The following CAMTA1 variants were observed in gnomAD, a reference collection of about 807,000 sequenced individuals.
CAMTA1 encodes calmodulin binding transcription activator 1.
A neutral mutation model predicts 170.9 loss-of-function variants in CAMTA1; 27 were observed. The observed-to-expected ratio is 0.16, with a 90% CI of 0.12 to 0.22. The LOEUF is 0.22. Among genes scored for constraint, CAMTA1 ranks in the 10% least tolerant of loss-of-function variants. The pLI is 1.00. For missense variants in CAMTA1, 1,619 were observed against 2,217.2 expected (o/e 0.73, Z 5.42); for synonymous variants, 833 against 891.5 (o/e 0.93, Z 1.17).
chr1:7,540,349 C>T (rs2094595489), intron 6 of CAMTA1, among the ~76,000 whole-genome samples: 1 of 152,104 alleles, frequency 6.6e-6, no homozygotes, highest in African/African-American at 2.4e-5. Context: ...AGGGTGAGCT[C>T]CTTTGGGGAC....
In CAMTA1 at chr1:7,455,920, T is replaced by G. The variant is rs1016016546; in HGVS notation, c.439-11910T>G. Among the ~76,000 whole-genome samples the G allele has an allele frequency of 6.6e-6, 1 of 152,194 alleles. No individual in the cohort carries two copies. The highest frequency in any genetic ancestry group is 1.5e-5 in the Non-Finnish European group (1 of 68,040). ...GAGAAAGGCCGGCCACCTGGGGCTG[T>G]GTAGCCGAAGCTCCCAGCGCCAGAG... On this transcript the variant is annotated intron_variant, in intron 5 of 22. Transcript: ENST00000303635. The surrounding 1 kb of genome is among the most constrained non-coding windows in gnomAD (Gnocchi z 5.0).
intron 4 of CAMTA1, among the ~76,000 whole-genome samples, chr1:7,186,903 G>C (rs1422896589): frequency 1.3e-5 from 2 of 152,094 alleles, no homozygotes; most frequent in Non-Finnish European, 2.9e-5. Context: ...CTTCCCGGCG[G>C]GGGCGTGAAA....
chr1:7,428,431 G>A (rs2091979048), intron 5 of CAMTA1, among the ~76,000 whole-genome samples: 1 of 144,232 alleles, frequency 6.9e-6, no homozygotes, highest in African/African-American at 2.9e-5. Context: ...TTTTACCGAG[G>A]GCCGATCACC....
intron 22 of CAMTA1, among the ~76,000 whole-genome samples, chr1:7,761,597 T>A (rs1356816802): frequency 1.3e-5 from 2 of 152,202 alleles, no homozygotes; most frequent in Non-Finnish European, 2.9e-5. Context: ...TCTATAGATA[T>A]GGTGACCACA....
intron 3 of CAMTA1, among the ~76,000 whole-genome samples, chr1:6,906,701 T>C (rs1678571640): frequency 6.6e-6 from 1 of 152,226 alleles, no homozygotes; most frequent in South Asian, 2.1e-4. Flanking sequence ...TTCCCCACTC[T>C]GGCTGTTGTT....
chr1:7,362,506 A>G (rs1274428440), intron 5 of CAMTA1, among the ~76,000 whole-genome samples: 1 of 151,930 alleles, frequency 6.6e-6, no homozygotes, highest in Non-Finnish European at 1.5e-5. Context: ...GAGTTGGTAG[A>G]CTTGGGTAGA....
chr1:7,593,708 C>T (rs2095371970), intron 6 of CAMTA1, among the ~76,000 whole-genome samples: 1 of 149,258 alleles, frequency 6.7e-6, no homozygotes, highest in Non-Finnish European at 1.5e-5. Context: ...CCAGGCTAGT[C>T]TCGAACTCCT....
chr1:7,391,104 T>C (rs1161479413), intron 5 of CAMTA1, among the ~76,000 whole-genome samples: 1 of 152,146 alleles, frequency 6.6e-6, no homozygotes, highest in East Asian at 1.9e-4. Flanking sequence ...TTCAAGTGAT[T>C]CTCCTGCCTC....
At chr1:7,606,300 C>T (rs1046319116) in intron 6 of CAMTA1, among the ~76,000 whole-genome samples, 9 of 152,132 alleles carry the variant, frequency 5.9e-5, no homozygotes, top group African/African-American at 2.2e-4. Context: ...GGGCCTGAGA[C>T]CCAGCAGCTG....
intron 7 of CAMTA1, among the ~76,000 whole-genome samples, chr1:7,647,101 T>G (rs760748001): frequency 8.1e-4 from 124 of 152,198 alleles, no homozygotes; most frequent in Middle Eastern, 3.4e-3. Flanking sequence ...CAGCACCTGC[T>G]CTCCAGGGAC....
Position 7,091,328 on chromosome 1 carries a change from T to A in CAMTA1, c.259T>A (p.Phe87Ile). The A allele has an allele frequency of 6.2e-7, 1 of 1,612,804 alleles. No individual in the cohort carries two copies. The highest frequency in any genetic ancestry group is 8.5e-7 in the Non-Finnish European group (1 of 1,178,712). The part of the protein sequence containing the change: ...NEEIAAYLIT[F>I]EKHEEWLTTS... The stretch of plus-strand genomic sequence containing the variant: ...GGAAATTGCAGCTTATTTAATAACA[T>A]TTGAGAAACACGAAGAATGGCTAAC... The change falls in exon 4 of 23, where the codon TTT becomes ATT. Residue 87 changes from phenylalanine to isoleucine, a missense_variant. Physicochemically the swap from Phe to Ile is conservative, Grantham distance 21. Around this residue, in one of 8 missense-constraint regions of CAMTA1, gnomAD observed 97 missense variants for 225.4 expected, o/e 0.43. Transcript: ENST00000303635.
intron 6 of CAMTA1, among the ~76,000 whole-genome samples, chr1:7,513,051 G>T (rs1216289717): frequency 7.9e-5 from 12 of 152,152 alleles, no homozygotes; most frequent in Admixed American, 7.9e-4. Context: ...GACAGGCACT[G>T]ACTCCCATCC....
At chr1:7,391,066 C>T (rs973705176) in intron 5 of CAMTA1, among the ~76,000 whole-genome samples, 5 of 151,984 alleles carry the variant, frequency 3.3e-5, no homozygotes, top group African/African-American at 7.2e-5. Flanking sequence ...GACGCGATCT[C>T]GGCTCACCGC....
intron 3 of CAMTA1, among the ~76,000 whole-genome samples, chr1:7,090,325 G>A (rs1234003243): frequency 6.6e-6 from 1 of 152,224 alleles, no homozygotes; most frequent in East Asian, 1.9e-4. Flanking sequence ...CAGAGGGGCT[G>A]CTACCTTCCC....
intron 20 of CAMTA1, 114 bp downstream of exon 20, chr1:7,751,506 C>T: frequency 1.2e-6 from 1 of 828,420 alleles, no homozygotes; most frequent in South Asian, 2.2e-5. Context: ...AAAGCATTGG[C>T]AGTCACTGTG....
At chr1:6,894,995 A>G (rs1335467446) in intron 3 of CAMTA1, among the ~76,000 whole-genome samples, 4 of 152,210 alleles carry the variant, frequency 2.6e-5, no homozygotes, top group South Asian at 2.1e-4. Flanking sequence ...GGCGAGGTCA[A>G]GGGAGGAGGC....
chr1:7,105,492 G>A (rs1020448160), intron 4 of CAMTA1, among the ~76,000 whole-genome samples: 5 of 152,214 alleles, frequency 3.3e-5, no homozygotes, highest in Admixed American at 6.5e-5. Context: ...AGGCAGAGGC[G>A]GATCTGCGGC....
intron 5 of CAMTA1, among the ~76,000 whole-genome samples, chr1:7,321,140 G>T (rs1156997933): frequency 1.3e-5 from 2 of 152,192 alleles, no homozygotes; most frequent in African/African-American, 4.8e-5. Flanking sequence ...ACAAGTTGCA[G>T]GTCTAAAAAC....
chr1:7,574,318 T>A (rs2095163623), intron 6 of CAMTA1, among the ~76,000 whole-genome samples: 1 of 152,196 alleles, frequency 6.6e-6, no homozygotes, highest in African/African-American at 2.4e-5. Flanking sequence ...ACTGTGGAAA[T>A]GGGGCGGTGC....
Sources: allele counts gnomAD v4.1 joint callset (sites outside exome capture counted in the v4.1 genomes callset), GRCh38; gene constraint gnomAD v4.1.1; regional missense constraint gnomAD v4.1.1; non-coding constraint Gnocchi (gnomAD v3.1); transcripts MANE v1.5; gene names NCBI Gene and HGNC (gene_info 2026-07-23, HGNC 2026-07-21).